The following TRPV5 variants were observed in gnomAD, a reference collection of about 807,000 sequenced individuals.
TRPV5 encodes calcium transport protein 2.
In TRPV5, 66 loss-of-function variants were observed where a neutral mutation model predicts 74.1. The ratio of observed to expected loss-of-function variants is 0.89; its 90% confidence interval spans 0.73 to 1.09. The LOEUF (loss-of-function observed/expected upper bound fraction) is 1.09. Among genes scored for constraint, TRPV5 ranks in the 50% least tolerant of loss-of-function variants. TRPV5 has a pLI of 0.00. For missense variants in TRPV5, 936 were observed against 930.4 expected (o/e 1.01, Z -0.08); for synonymous variants, 399 against 360.7 (o/e 1.11, Z -1.20).
intron 2 of TRPV5, 30 bp downstream of exon 2, chr7:142,930,319 C>T (rs752782614): frequency 1.2e-6 from 2 of 1,610,244 alleles, no homozygotes; most frequent in African/African-American, 1.3e-5. Context: ...CTTCTGCCCC[C>T]ACCTCCATCC....
rs562786630 is a variant in TRPV5 at position 142,912,768 on chromosome 7, A to G, written c.1520-18T>C. On this transcript the variant is annotated intron_variant, in intron 12 of 14. Transcript: ENST00000265310. ...ATAGAACGCTGCTCCGCCCAGGAAG[A>G]GGACATGGAGATGGGATAATGGAGT... 1.9e-5 allele frequency: 31 copies of G among 1,608,944 alleles called. No homozygotes were observed. Among genetic ancestry groups the G allele is most frequent in the Non-Finnish European group, 2.6e-5 (31 of 1,175,924 alleles).
intron 7 of TRPV5, among the ~76,000 whole-genome samples, chr7:142,927,045 C>T (rs1027189923): frequency 5.3e-5 from 8 of 152,160 alleles, no homozygotes; most frequent in African/African-American, 9.7e-5. Context: ...AACAAATTTT[C>T]GTTTCCCTCA....
intron 12 of TRPV5, 121 bp from the exon 13 acceptor site, chr7:142,912,871 T>TCTA (rs1365647584): frequency 1.8e-6 from 2 of 1,098,320 alleles, no homozygotes; most frequent in Admixed American, 5.0e-5. Context: ...TATCTATCTA[T>TCTA]CTATCTATCT....
Position 142,908,471 on chromosome 7 carries a change from C to A in TRPV5, c.*43G>T, listed in dbSNP as rs373507601. On this transcript the variant is annotated 3_prime_UTR_variant, in exon 15 of 15. Coordinates refer to ENST00000265310, the MANE Select transcript of TRPV5 (RefSeq NM_019841.7). ...GAGGTCTCCGTCTCTGTCCCCGCCC[C>A]CAGGCCAACCGGGAGTAAGGTCAAG... 4.4e-5 allele frequency: 70 copies of A among 1,602,692 alleles called. 1 individual carries two copies. In the African/African-American group the frequency reaches 8.8e-4, roughly 20 times the overall value.
chr7:142,912,837 G>GATCTATC lies in TRPV5; in HGVS notation c.1520-94_1520-88dup. 7 of 734,312 alleles carry GATCTATC rather than the reference G, an allele frequency of 9.5e-6. No homozygotes were observed. The South Asian group carries it at 1.2e-4, about 13-fold the overall frequency. 45.5% of individuals were successfully genotyped at this position (734,312 alleles called of 1,614,324 possible). A position where few individuals can be genotyped will look rare whatever the true frequency, so the allele number is the denominator to read the frequency against. ...CATGGTTAGCACTTATTCTATCTCT[G>GATCTATC]ATCTATCTATCTATCTATCTATCTA... On this transcript the variant is annotated intron_variant, in intron 12 of 14. Coordinates refer to ENST00000265310, the MANE Select transcript of TRPV5 (RefSeq NM_019841.7).
At chr7:142,932,573 G>A (rs1180784462) in intron 1 of TRPV5, among the ~76,000 whole-genome samples, 11 of 152,196 alleles carry the variant, frequency 7.2e-5, no homozygotes, top group Non-Finnish European at 1.5e-5. Flanking sequence ...TCACCCCTCA[G>A]GCAGCTGTTG....
At position 142,930,124 on chromosome 7, in the gene TRPV5, C is replaced by T. The variant is rs1438138880; in HGVS notation, c.283G>A (p.Ala95Thr). 6.2e-7 allele frequency: 1 copy of T among 1,614,208 alleles called. No individual in the cohort carries two copies. Among genetic ancestry groups the T allele is most frequent in the Non-Finnish European group, 8.5e-7 (1 of 1,180,040 alleles). ...IAALYDNLEA[A>T]LVLMEAAPEL... ...GGGGCAGCCTCCATCAGCACCAAGGCCGCCTCCAAGTTGTCATAGAGGGCT... is the reference window on the plus strand; with the variant it reads ...GGGGCAGCCTCCATCAGCACCAAGGTCGCCTCCAAGTTGTCATAGAGGGCT... The change falls in exon 3 of 15, where the codon GCC becomes ACC. Residue 95 changes from alanine (A) to threonine (T), a missense_variant. Ala to Thr is a moderately conservative substitution (Grantham distance 58). Transcript: ENST00000265310.
At chr7:142,915,707 CTTG>C in intron 8 of TRPV5, 139 bp from the exon 9 acceptor site, 2 of 756,424 alleles carry the variant, frequency 2.6e-6, no homozygotes, top group South Asian at 3.8e-5. Context: ...CCCCATTGTA[CTTG>C]CCATTGTGGG....
intron 10 of TRPV5, 40 bp downstream of exon 10, chr7:142,915,267 G>A: frequency 6.2e-7 from 1 of 1,602,898 alleles, no homozygotes; most frequent in Non-Finnish European, 8.5e-7. Context: ...AAAAGATTCT[G>A]GTAAGGAAAG....
At chr7:142,928,263 G>C (rs774139290) in intron 6 of TRPV5, 29 bp from the exon 7 acceptor site, 16 of 1,613,748 alleles carry the variant, frequency 9.9e-6, no homozygotes, top group Non-Finnish European at 1.4e-5. Context: ...GAGTCAGGGG[G>C]CCAACGTGTG....
intron 14 of TRPV5, 88 bp from the exon 15 acceptor site, chr7:142,908,896 C>T (rs1795661077): frequency 7.4e-7 from 1 of 1,348,534 alleles, no homozygotes; most frequent in African/African-American, 1.4e-5. Flanking sequence ...AAAGCAGGGT[C>T]AAGAGGGAAG....
In TRPV5 at chr7:142,925,589, A is replaced by G. The variant is rs1288040406; in HGVS notation, c.1062T>C (p.Phe354=). 7 of 1,614,180 alleles carry G rather than the reference A, an allele frequency of 4.3e-6. No individual in the cohort carries two copies. The highest frequency in any genetic ancestry group is 1.1e-5 in the South Asian group (1 of 91,086). The stretch of plus-strand genomic sequence containing the variant: ...GAGAATGAGTGCGGTTGCCACCACG[A>G]AACTTAAGGGGGCGGTAGACGCAGC... The part of the protein sequence containing the change: ...TTCCVYRPLK[F]RGGNRTHSRD... The change falls in exon 8 of 15, where the codon TTT becomes TTC. Residue 354 remains phenylalanine, a synonymous_variant. Coordinates refer to ENST00000265310, the MANE Select transcript of TRPV5 (RefSeq NM_019841.7).
intron 13 of TRPV5, among the ~76,000 whole-genome samples, chr7:142,911,759 T>C (rs1795706395): frequency 6.6e-6 from 1 of 152,154 alleles, no homozygotes; most frequent in Non-Finnish European, 1.5e-5. Context: ...ATTAAATGAA[T>C]GAAAAGTCTA....
Position 142,908,777 on chromosome 7 carries a change from G to T in TRPV5, c.1927C>A (p.Arg643=). The T allele has an allele frequency of 6.2e-7, 1 of 1,613,302 alleles. No individual in the cohort carries two copies. The highest frequency in any genetic ancestry group is 8.5e-7 in the Non-Finnish European group (1 of 1,179,956). ...AACACTTCCACATAGCGAAGCACTC[G>T]CAGAGGATTCTGATCATTGTGGTTC... The part of the protein sequence containing the change: ...VENHNDQNPL[R]VLRYVEVFKN... Residue 643 remains arginine (R), a synonymous_variant, in exon 15 of 15, where the codon CGA becomes AGA. Transcript: ENST00000265310.
rs1465511381 is a variant in TRPV5, at chr7:142,908,552, G to A, written c.2152C>T (p.Leu718Phe). 1.2e-6 allele frequency: 2 copies of A among 1,614,234 alleles called. No homozygotes were observed. Among genetic ancestry groups the A allele is most frequent in the Non-Finnish European group, 1.7e-6 (2 of 1,180,044 alleles). The change falls in exon 15 of 15, where the codon CTT becomes TTT. Residue 718 changes from leucine (L) to phenylalanine (F), a missense_variant. Leu to Phe is a conservative substitution (Grantham distance 22). Coordinates refer to ENST00000265310, the MANE Select transcript of TRPV5 (RefSeq NM_019841.7). Reference sequence around the variant, plus strand: ...ACCTCCTCTCCATCCCCCTCACTAAGGTTCAGTCCAAGATTCAAGTGCCCC... The same window carrying A: ...ACCTCCTCTCCATCCCCCTCACTAAAGTTCAGTCCAAGATTCAAGTGCCCC... ...TLGHLNLGLN[L>F]SEGDGEEVYH...
Position 142,908,825 on chromosome 7 carries a change from G to A in TRPV5, c.1896-17C>T, listed in dbSNP as rs374733188. On this transcript the variant is annotated splice_polypyrimidine_tract_variant and intron_variant, in intron 14 of 14. Transcript: ENST00000265310. ...TTCTCAACCCTGATAAGGGGAAAGG[G>A]GAAAGGACTCAATCCAGGTGGGGAG... 3.1e-6 allele frequency: 5 copies of A among 1,601,982 alleles called. No individual in the cohort carries two copies. Among genetic ancestry groups the A allele is most frequent in the Non-Finnish European group, 4.3e-6 (5 of 1,173,588 alleles).
At chr7:142,919,912 C>T (rs1251625564) in intron 8 of TRPV5, among the ~76,000 whole-genome samples, 1 of 152,064 alleles carries the variant, frequency 6.6e-6, no homozygotes, top group Non-Finnish European at 1.5e-5. Context: ...AGACCTTTTT[C>T]CCCCCCATGA....
In TRPV5 at chr7:142,914,527, CAAAA is replaced by C. The variant is rs137964684; in HGVS notation, c.1519+109_1519+112del. 1,498 of 972,882 alleles carry C rather than the reference CAAAA, an allele frequency of 1.5e-3. 20 individuals carry two copies. In the African/African-American group the frequency reaches 0.023, roughly 15 times the overall value. The allele number at this position is 972,882 out of a possible 1,614,324, so 60.3% of individuals were successfully genotyped here. The stretch of plus-strand genomic sequence containing the variant: ...AGGAAAAAACAAAACAAAAAACAAA[CAAAA>C]AAAAAGAAAGCAAAATGAAGTGCAA... On this transcript the variant is annotated intron_variant, in intron 12 of 14. Transcript: ENST00000265310.
At chr7:142,928,271 G>A (rs372885130) in intron 6 of TRPV5, 37 bp from the exon 7 acceptor site, 130 of 1,613,094 alleles carry the variant, frequency 8.1e-5, no homozygotes, top group Non-Finnish European at 9.8e-5. Context: ...GGGCCAACGT[G>A]TGAGAAGGTG....
Sources: allele counts gnomAD v4.1 joint callset (sites outside exome capture counted in the v4.1 genomes callset), GRCh38; gene constraint gnomAD v4.1.1; transcripts MANE v1.5; gene names NCBI Gene and HGNC (gene_info 2026-07-23, HGNC 2026-07-21).